RALYL: variants seen among roughly 807,000 people sequenced by gnomAD.
The protein encoded by RALYL is RNA-binding Raly-like protein.
In RALYL, 29 loss-of-function variants were observed where a neutral mutation model predicts 35.1. That is an observed-to-expected ratio of 0.83 (90% CI 0.61 to 1.13). RALYL has a LOEUF of 1.13. RALYL is among the 50% of genes most tolerant of loss of function. RALYL has a pLI of 0.00. For missense variants in RALYL, 359 were observed against 360.4 expected, an observed-to-expected ratio of 1.00 and a Z score of 0.03; for synonymous variants, 120 against 127.6, an observed-to-expected ratio of 0.94 and a Z score of 0.40.
At chr8:84,857,438 C>T (rs186319465) in intron 5 of RALYL, among the ~76,000 whole-genome samples, 1 of 152,182 alleles carries the variant, frequency 6.6e-6, no homozygotes, top group East Asian at 1.9e-4. Context: ...CAGGTAAATA[C>T]CAGAAAATGT....
Position 84,297,293 on chromosome 8 carries a change from G to T in RALYL, c.-24+112869G>T, listed in dbSNP as rs545920233. Among the ~76,000 whole-genome samples the T allele has an allele frequency of 7.2e-5, 11 of 152,128 alleles. No individual in the cohort carries two copies. In the South Asian group the frequency reaches 2.1e-3, roughly 29 times the overall value. Reference sequence around the variant, plus strand: ...CAATATTTGGTTCCCACTTATAAGTGAGAATATGTGGTATTTAGTTTTCTG... The same window carrying T: ...CAATATTTGGTTCCCACTTATAAGTTAGAATATGTGGTATTTAGTTTTCTG... On this transcript the variant is annotated intron_variant, in intron 1 of 8. Coordinates refer to ENST00000521268, the MANE Select transcript of RALYL (RefSeq NM_173848.7).
intron 1 of RALYL, among the ~76,000 whole-genome samples, chr8:84,475,738 G>A (rs13254810): frequency 0.035 from 5,311 of 152,270 alleles, 127 homozygotes; most frequent in East Asian, 0.053. Flanking sequence ...GTTATTGAAG[G>A]TATGGTCTCC....
chr8:84,700,222 A>G (rs1428059337), intron 2 of RALYL, among the ~76,000 whole-genome samples: 1 of 152,104 alleles, frequency 6.6e-6, no homozygotes, highest in Non-Finnish European at 1.5e-5. Context: ...AAAAACAATT[A>G]CCACTAAGGA....
intron 2 of RALYL, among the ~76,000 whole-genome samples, chr8:84,607,538 A>G (rs1408864115): frequency 6.6e-6 from 1 of 152,134 alleles, no homozygotes; most frequent in African/African-American, 2.4e-5. Flanking sequence ...AATGTGTCCC[A>G]ACATTGCCCA....
intron 2 of RALYL, among the ~76,000 whole-genome samples, chr8:84,621,154 C>A (rs1821314872): frequency 6.6e-6 from 1 of 152,204 alleles, no homozygotes; most frequent in South Asian, 2.1e-4. Context: ...TTTACCTAAG[C>A]ACGCCTGGGC....
chr8:84,290,022 A>G (rs775366571), intron 1 of RALYL, among the ~76,000 whole-genome samples: 37 of 152,324 alleles, frequency 2.4e-4, no homozygotes, highest in Non-Finnish European at 4.3e-4. Flanking sequence ...AGGAATTGCT[A>G]TATCTTAGTT....
chr8:84,332,290 A>G (rs973875291), intron 1 of RALYL, among the ~76,000 whole-genome samples: 7 of 152,140 alleles, frequency 4.6e-5, no homozygotes, highest in Non-Finnish European at 1.0e-4. Flanking sequence ...TTTTGGAGGT[A>G]TCCAGAGCTT....
At chr8:84,694,331 GA>G (rs1838699467) in intron 2 of RALYL, among the ~76,000 whole-genome samples, 1 of 151,284 alleles carries the variant, frequency 6.6e-6, no homozygotes, top group Admixed American at 6.6e-5. Flanking sequence ...AAACTATTGG[GA>G]AAAAAAGATT....
intron 5 of RALYL, among the ~76,000 whole-genome samples, chr8:84,850,588 C>G (rs1835642362): frequency 1.3e-5 from 2 of 152,140 alleles, no homozygotes; most frequent in South Asian, 4.1e-4. Context: ...TCTCTATAAA[C>G]TAATGGGAAA....
intron 5 of RALYL, among the ~76,000 whole-genome samples, chr8:84,859,024 G>A (rs1009597429): frequency 1.3e-5 from 2 of 151,434 alleles, no homozygotes; most frequent in Admixed American, 6.6e-5. Flanking sequence ...ACAAACAAAG[G>A]AAGGAAAGAA....
intron 1 of RALYL, among the ~76,000 whole-genome samples, chr8:84,360,382 A>G (rs1852738542): frequency 6.6e-6 from 1 of 152,208 alleles, no homozygotes; most frequent in Admixed American, 6.6e-5. Context: ...CTTGAATCTT[A>G]CAAGAGATGT....
intron 2 of RALYL, among the ~76,000 whole-genome samples, chr8:84,681,897 A>C (rs1835607836): frequency 6.6e-6 from 1 of 152,142 alleles, no homozygotes; most frequent in Non-Finnish European, 1.5e-5. Flanking sequence ...GTGGTGAGAG[A>C]GGGCATCCCT....
chr8:84,203,605 G>A (rs1287009955), intron 1 of RALYL, among the ~76,000 whole-genome samples: 2 of 151,878 alleles, frequency 1.3e-5, no homozygotes, highest in Non-Finnish European at 2.9e-5. Context: ...CACTTTTCTA[G>A]TAATATATTT....
At chr8:84,684,681 G>T (rs575032539) in intron 2 of RALYL, among the ~76,000 whole-genome samples, 1 of 152,300 alleles carries the variant, frequency 6.6e-6, no homozygotes, top group East Asian at 1.9e-4. Context: ...AATCGTGTAA[G>T]AATTGGCATG....
intron 4 of RALYL, among the ~76,000 whole-genome samples, chr8:84,835,502 T>TAAAAAAAA (rs35745516): frequency 4.8e-3 from 458 of 95,700 alleles, no homozygotes; most frequent in Non-Finnish European, 6.6e-3. Flanking sequence ...CTGTCTCTAC[T>TAAAAAAAA]AAAAAAAAAA....
intron 1 of RALYL, among the ~76,000 whole-genome samples, chr8:84,466,758 G>T (rs1164900101): frequency 7.1e-6 from 1 of 141,036 alleles, no homozygotes; most frequent in Non-Finnish European, 1.6e-5. Context: ...ATTCGGCTGT[G>T]AATCCATCTG....
intron 1 of RALYL, among the ~76,000 whole-genome samples, chr8:84,455,375 C>T (rs926602304): frequency 6.6e-6 from 1 of 151,814 alleles, no homozygotes; most frequent in Admixed American, 6.6e-5. Flanking sequence ...AAAATGAGCT[C>T]ATTATGAGAG....
chr8:84,799,459 A>T (rs1822692816), intron 3 of RALYL, among the ~76,000 whole-genome samples: 1 of 152,258 alleles, frequency 6.6e-6, no homozygotes, highest in Non-Finnish European at 1.5e-5. Context: ...TTAATGGATC[A>T]TATAAAAGTT....
chr8:84,250,783 G>T (rs1033286431), intron 1 of RALYL, among the ~76,000 whole-genome samples: 1 of 152,054 alleles, frequency 6.6e-6, no homozygotes, highest in African/African-American at 2.4e-5. Context: ...TTTTACTAAA[G>T]ATTTATCTGC....
Sources: allele counts gnomAD v4.1 joint callset (sites outside exome capture counted in the v4.1 genomes callset), GRCh38; gene constraint gnomAD v4.1.1; transcripts MANE v1.5; gene names NCBI Gene and HGNC (gene_info 2026-07-23, HGNC 2026-07-21).